The following COBLL1 variants were observed in gnomAD, a reference collection of about 807,000 sequenced individuals.
COBLL1 encodes the protein cordon-bleu WH2 repeat protein like 1, also known as cordon-bleu protein-like 1.
In COBLL1, 50 loss-of-function variants were observed where a neutral mutation model predicts 94.8. The ratio of observed to expected loss-of-function variants is 0.53; its 90% CI spans 0.42 to 0.67. The LOEUF (loss-of-function observed/expected upper bound fraction) is 0.67. COBLL1 is among the 30% of genes least tolerant of loss of function. COBLL1 has a pLI of 0.00. For synonymous variants in COBLL1, 448 were observed against 473.8 expected (o/e 0.95, Z 0.71); for missense variants, 1,362 against 1,348.7 (o/e 1.01, Z -0.15).
chr2:164,714,182 T>C (rs73968233), intron 7 of COBLL1, among the ~76,000 whole-genome samples: 1 of 141,708 alleles, frequency 7.1e-6, no homozygotes, highest in African/African-American at 2.9e-5. Flanking sequence ...CACACACACA[T>C]TAAAAAATCC....
intron 2 of COBLL1, among the ~76,000 whole-genome samples, chr2:164,813,709 T>C (rs936770996): frequency 3.3e-5 from 5 of 152,188 alleles, no homozygotes; most frequent in Non-Finnish European, 5.9e-5. Context: ...CTGAACTTAT[T>C]GGGCTGCTGG....
intron 3 of COBLL1, among the ~76,000 whole-genome samples, chr2:164,737,249 G>C (rs1686354680): frequency 6.6e-6 from 1 of 152,050 alleles, no homozygotes; most frequent in African/African-American, 2.4e-5. Flanking sequence ...AAAGCAAAGG[G>C]AAGAGGGTGG....
intron 3 of COBLL1, among the ~76,000 whole-genome samples, chr2:164,741,809 G>T (rs1386291790): frequency 6.6e-6 from 1 of 151,994 alleles, no homozygotes; most frequent in East Asian, 1.9e-4. Context: ...AATCTATCAG[G>T]TATGAAGAAA....
chr2:164,808,614 G>A (rs887614275), intron 2 of COBLL1, among the ~76,000 whole-genome samples: 3 of 152,138 alleles, frequency 2.0e-5, no homozygotes, highest in African/African-American at 7.2e-5. Flanking sequence ...CTTGAATTTT[G>A]TGGTACTTCC....
chr2:164,779,571 T>C, intron 2 of COBLL1: 1 of 440,480 alleles, frequency 2.3e-6, no homozygotes, highest in East Asian at 7.0e-5. Context: ...GCCCCACCCA[T>C]GCCATTTCCC....
chr2:164,828,359 A>T (rs1281018075), intron 2 of COBLL1, among the ~76,000 whole-genome samples: 1 of 152,244 alleles, frequency 6.6e-6, no homozygotes, highest in East Asian at 1.9e-4. Context: ...TAAACTGCAT[A>T]AAGGTTATTA....
At chr2:164,665,312 C>A (rs1216634836) in intron 2 of COBLL1, among the ~76,000 whole-genome samples, 1 of 121,242 alleles carries the variant, frequency 8.2e-6, no homozygotes. Context: ...ACTGGGGTGA[C>A]AGAGCAAGAT....
intron 2 of COBLL1, among the ~76,000 whole-genome samples, chr2:164,813,268 A>T (rs1684546813): frequency 6.6e-6 from 1 of 152,150 alleles, no homozygotes; most frequent in African/African-American, 2.4e-5. Flanking sequence ...GGTTTAATCA[A>T]CAAAGATCTC....
At chr2:164,779,593 C>A in intron 2 of COBLL1, 1 of 460,260 alleles carries the variant, frequency 2.2e-6, no homozygotes, top group Non-Finnish European at 4.5e-6. Flanking sequence ...GAACACAGAG[C>A]CTATTTCCAC....
chr2:164,838,439 T>C (rs1683426227), intron 2 of COBLL1, among the ~76,000 whole-genome samples: 1 of 152,238 alleles, frequency 6.6e-6, no homozygotes, highest in Non-Finnish European at 1.5e-5. Context: ...CAACTACATT[T>C]TTCCTGAAAT....
At chr2:164,710,717 C>T (rs112364621) in intron 7 of COBLL1, among the ~76,000 whole-genome samples, 1,788 of 152,058 alleles carry the variant, frequency 0.012, 36 homozygotes, top group African/African-American at 0.041. Flanking sequence ...GCAGCCACCA[C>T]CATGCCTGGC....
chr2:164,703,218 T>C lies in COBLL1; in HGVS notation c.1225+1226A>G, dbSNP rs934396414. ...TGACTGGAAAGCCCAGGGTGAAAGG[T>C]TTCTGCCAAAGAAGTAGAATCTGTA... On this transcript the variant is annotated intron_variant, in intron 9 of 13. Coordinates refer to ENST00000652658, the MANE Select transcript of COBLL1 (RefSeq NM_001365672.2). 12 of 1,607,644 alleles carry C rather than the reference T, an allele frequency of 7.5e-6. 1 individual carries two copies. Among genetic ancestry groups the C allele is most frequent in the African/African-American group, 1.3e-5 (1 of 74,630 alleles).
chr2:164,819,986 T>C (rs111508402), intron 2 of COBLL1, among the ~76,000 whole-genome samples: 34,399 of 145,608 alleles, frequency 0.24, 4,319 homozygotes, highest in African/African-American at 0.35. Context: ...CCACCATACC[T>C]GGCTTTTTTT....
intron 13 of COBLL1, chr2:164,687,508 C>A (rs1025064830): frequency 3.5e-6 from 5 of 1,446,662 alleles, no homozygotes; most frequent in Admixed American, 3.4e-5. Context: ...CAGCTTGGTG[C>A]GGACGGACAT....
At chr2:164,839,848 C>T (rs531349955) in intron 2 of COBLL1, among the ~76,000 whole-genome samples, 2 of 152,086 alleles carry the variant, frequency 1.3e-5, no homozygotes, top group East Asian at 3.9e-4. Flanking sequence ...AATATTTAAG[C>T]AATGAAAAAC....
At chr2:164,777,785 C>A (rs182366920) in intron 2 of COBLL1, among the ~76,000 whole-genome samples, 1 of 152,150 alleles carries the variant, frequency 6.6e-6, no homozygotes, top group Non-Finnish European at 1.5e-5. Context: ...TACCTGCAGC[C>A]AGCTGGAGAA....
intron 7 of COBLL1, among the ~76,000 whole-genome samples, chr2:164,720,669 C>A (rs1348327360): frequency 6.6e-6 from 1 of 152,154 alleles, no homozygotes; most frequent in Non-Finnish European, 1.5e-5. Context: ...TGACTTGACC[C>A]CTGCTTACCA....
At chr2:164,748,235 T>C (rs1164410414) in intron 2 of COBLL1, among the ~76,000 whole-genome samples, 2 of 152,298 alleles carry the variant, frequency 1.3e-5, no homozygotes, top group East Asian at 1.9e-4. Flanking sequence ...GAATACCAGA[T>C]GGAAGCCTGG....
At chr2:164,671,706 C>G (rs572790374) in intron 1 of COBLL1, among the ~76,000 whole-genome samples, 1 of 151,992 alleles carries the variant, frequency 6.6e-6, no homozygotes, top group Admixed American at 6.5e-5. Flanking sequence ...GAATCGGTTA[C>G]TGAAGCACGT....
Sources: gnomAD v4.1 joint callset for allele counts (sites outside exome capture counted in the v4.1 genomes callset) on GRCh38, gnomAD v4.1.1 for gene constraint, MANE v1.5 for transcripts, NCBI Gene and HGNC (gene_info 2026-07-23, HGNC 2026-07-21) for gene names.